CHMP4C: variants seen among roughly 807,000 people sequenced by gnomAD.
CHMP4C encodes charged multivesicular body protein 4C.
In CHMP4C, 28 loss-of-function variants were observed where a neutral mutation model predicts 29.0. The ratio of observed to expected loss-of-function variants is 0.97; its 90% CI spans 0.72 to 1.32. The LOEUF (loss-of-function observed/expected upper bound fraction) is 1.32, where lower values mean the gene tolerates loss of function less well. CHMP4C is among the 40% of genes most tolerant of loss of function. The pLI, the probability that CHMP4C is intolerant of heterozygous loss-of-function variation, is 0.00. For missense variants in CHMP4C, 291 were observed against 281.0 expected (o/e 1.04, Z -0.25); for synonymous variants, 106 against 102.4 (o/e 1.04, Z -0.21).
In CHMP4C at chr8:81,747,915, G is replaced by A. The variant is rs527457412; in HGVS notation, c.191-5149G>A. Among the ~76,000 whole-genome samples the A allele has an allele frequency of 5.3e-5, 8 of 152,162 alleles. No homozygotes were observed. In the South Asian group the frequency reaches 1.0e-3, roughly 20 times the overall value. On this transcript the variant is annotated intron_variant, in intron 1 of 4. Coordinates refer to ENST00000297265, the MANE Select transcript of CHMP4C (RefSeq NM_152284.4). ...AGGAGACAGGGTTTTGAGATCAACC[G>A]GTCTGACCAAAATTTATTAGGCAGG...
intron 1 of CHMP4C, among the ~76,000 whole-genome samples, chr8:81,740,487 T>C (rs956929036): frequency 1.3e-5 from 2 of 152,236 alleles, no homozygotes; most frequent in Non-Finnish European, 2.9e-5. Flanking sequence ...GCTCATCTCC[T>C]GCTTTGCAGC....
At chr8:81,748,114 G>A (rs938223203) in intron 1 of CHMP4C, among the ~76,000 whole-genome samples, 1 of 152,124 alleles carries the variant, frequency 6.6e-6, no homozygotes, top group Non-Finnish European at 1.5e-5. Context: ...AGAATTCAGC[G>A]ATATTTCTCC....
chr8:81,758,928 G>A lies in CHMP4C; in HGVS notation c.*384G>A, dbSNP rs947467191. 6 of 164,622 alleles carry A rather than the reference G, an allele frequency of 3.6e-5. No homozygotes were observed. Among genetic ancestry groups the A allele is most frequent in the Non-Finnish European group, 6.5e-5 (5 of 76,586 alleles). 10.2% of individuals were successfully genotyped at this position (164,622 alleles called of 1,614,324 possible). ...AGTCAGGAGAATCGCTTGAGCCCAG[G>A]AGATGGAGGTTGCAGTGAGCCAAGA... On this transcript the variant is annotated 3_prime_UTR_variant, in exon 5 of 5. Coordinates refer to ENST00000297265, the MANE Select transcript of CHMP4C (RefSeq NM_152284.4).
intron 2 of CHMP4C, 27 bp downstream of exon 2, chr8:81,753,268 T>A: frequency 6.4e-7 from 1 of 1,554,708 alleles, no homozygotes; most frequent in Non-Finnish European, 8.7e-7. Flanking sequence ...TCCCTCTGAA[T>A]CATAAATTCC....
rs879644164 is a variant in CHMP4C, at chr8:81,751,826, G to A, written c.191-1238G>A. Among the ~76,000 whole-genome samples the A allele has an allele frequency of 9.0e-4, 137 of 152,144 alleles. 1 individual carries two copies. Among genetic ancestry groups the A allele is most frequent in the Admixed American group, 3.8e-3 (58 of 15,274 alleles). On this transcript the variant is annotated intron_variant, in intron 1 of 4. Coordinates refer to ENST00000297265, the MANE Select transcript of CHMP4C (RefSeq NM_152284.4). ...CATAAAAACTAAACACTCATGTAGC[G>A]AAATATAGGTGTCTTTAATATGTAT...
rs774996178 is a variant in CHMP4C, at chr8:81,758,142, G to A, written c.484G>A (p.Asp162Asn). The A allele has an allele frequency of 9.1e-5, 147 of 1,613,742 alleles. No individual in the cohort carries two copies. The highest frequency in any genetic ancestry group is 4.5e-4 in the East Asian group (20 of 44,876). Reference sequence around the variant, plus strand: ...AATTCTTCCTTTCTCCTGTGTTCAGGATGAGTTGATGGCAGAACTTGAAGA... The same window carrying A: ...AATTCTTCCTTTCTCCTGTGTTCAGAATGAGTTGATGGCAGAACTTGAAGA... ...RVGFGDDFDEDELMAELEELE... is the reference protein window; with the variant it reads ...RVGFGDDFDENELMAELEELE... Residue 162 changes from aspartate to asparagine, a missense_variant and splice_region_variant, in exon 4 of 5, where the codon GAT becomes AAT. By Grantham distance (23) the Asp-to-Asn change is conservative. Coordinates refer to ENST00000297265, the MANE Select transcript of CHMP4C (RefSeq NM_152284.4).
At chr8:81,740,990 T>A (rs1253813876) in intron 1 of CHMP4C, among the ~76,000 whole-genome samples, 1 of 152,224 alleles carries the variant, frequency 6.6e-6, no homozygotes, top group East Asian at 1.9e-4. Flanking sequence ...GTATTTTTCA[T>A]AGCTATGAAC....
intron 1 of CHMP4C, among the ~76,000 whole-genome samples, chr8:81,733,936 A>T (rs73694764): frequency 0.062 from 9,386 of 152,268 alleles, 421 homozygotes; most frequent in African/African-American, 0.13. Context: ...AAAGGAATGA[A>T]GTCTCAAGGA....
In CHMP4C at chr8:81,736,622, T is replaced by C. The variant is rs140200486; in HGVS notation, c.190+3806T>C. ...AACTAGATCTCAAATCAGTGCAGTG[T>C]CCAGTCCTTAGTTTAGGTGGGTTTC... On this transcript the variant is annotated intron_variant, in intron 1 of 4. Coordinates refer to ENST00000297265, the MANE Select transcript of CHMP4C (RefSeq NM_152284.4). Among the ~76,000 whole-genome samples the C allele has an allele frequency of 1.6e-4, 24 of 152,268 alleles. No homozygotes were observed. In the East Asian group the frequency reaches 4.4e-3, roughly 28 times the overall value.
chr8:81,735,713 C>A (rs146938326), intron 1 of CHMP4C, among the ~76,000 whole-genome samples: 147 of 152,322 alleles, frequency 9.7e-4, no homozygotes, highest in African/African-American at 3.2e-3. Context: ...TTCTCTACAA[C>A]AACAGAAGCT....
chr8:81,749,251 T>C (rs1407109299), intron 1 of CHMP4C, among the ~76,000 whole-genome samples: 1 of 152,218 alleles, frequency 6.6e-6, no homozygotes, highest in Non-Finnish European at 1.5e-5. Context: ...TCAAATTTAT[T>C]CACTAATATC....
At chr8:81,748,843 C>T (rs1224507291) in intron 1 of CHMP4C, among the ~76,000 whole-genome samples, 1 of 149,236 alleles carries the variant, frequency 6.7e-6, no homozygotes. Context: ...AGGAGAATTG[C>T]TTGAACCAGG....
Position 81,750,650 on chromosome 8 carries a change from CTTATA to C in CHMP4C, c.191-2408_191-2404del, listed in dbSNP as rs565014803. On this transcript the variant is annotated intron_variant, in intron 1 of 4. Coordinates refer to ENST00000297265, the MANE Select transcript of CHMP4C (RefSeq NM_152284.4). ...CAAAGCCAAAGAATACAATGTTCAT[CTTATA>C]TTATAGGCATTTCAAAAGAGAGAAA... Among the ~76,000 whole-genome samples, 814 of 151,800 alleles carry C rather than the reference CTTATA, an allele frequency of 5.4e-3. 5 individuals are homozygous for C. Among genetic ancestry groups the C allele is most frequent in the Middle Eastern group, 0.01 (3 of 294 alleles).
chr8:81,749,765 T>A (rs1808873420), intron 1 of CHMP4C, among the ~76,000 whole-genome samples: 1 of 152,184 alleles, frequency 6.6e-6, no homozygotes, highest in Non-Finnish European at 1.5e-5. Context: ...TGCTCTAGGG[T>A]TGTTTACCTT....
intron 1 of CHMP4C, among the ~76,000 whole-genome samples, chr8:81,745,254 C>T (rs1419611976): frequency 1.3e-5 from 2 of 152,192 alleles, no homozygotes; most frequent in Non-Finnish European, 2.9e-5. Flanking sequence ...TAAGCATTCT[C>T]ATATCTGGGC....
At chr8:81,755,647 A>C (rs1808962943) in intron 3 of CHMP4C, among the ~76,000 whole-genome samples, 163 bp downstream of exon 3, 1 of 152,220 alleles carries the variant, frequency 6.6e-6, no homozygotes, top group South Asian at 2.1e-4. Context: ...CTCTGATTTA[A>C]AGGAAAGATG....
chr8:81,757,688 A>G (rs532528254), intron 3 of CHMP4C, among the ~76,000 whole-genome samples: 3 of 152,356 alleles, frequency 2.0e-5, no homozygotes, highest in South Asian at 2.1e-4. Flanking sequence ...AAAGAACCAT[A>G]GTATCTTTAA....
chr8:81,742,396 C>A (rs551393020), intron 1 of CHMP4C, among the ~76,000 whole-genome samples: 2 of 152,204 alleles, frequency 1.3e-5, no homozygotes, highest in African/African-American at 4.8e-5. Context: ...GAGTTAAATT[C>A]TTGATTTAAA....
chr8:81,753,540 G>A (rs549869600), intron 2 of CHMP4C, among the ~76,000 whole-genome samples: 118 of 152,264 alleles, frequency 7.7e-4, no homozygotes, highest in African/African-American at 2.8e-3. Flanking sequence ...ATTTCAACCT[G>A]TGTGAGGGTG....
Sources: allele counts gnomAD v4.1 joint callset (sites outside exome capture counted in the v4.1 genomes callset), GRCh38; gene constraint gnomAD v4.1.1; transcripts MANE v1.5; gene names NCBI Gene and HGNC (gene_info 2026-07-23, HGNC 2026-07-21).